SDR42E1: variants seen among roughly 807,000 people sequenced by gnomAD.
SDR42E1 encodes the protein short chain dehydrogenase/reductase family 42E, member 1, also known as short-chain dehydrogenase/reductase family 42E member 1.
In SDR42E1, 5 loss-of-function variants were observed where a neutral mutation model predicts 2.6. The observed-to-expected ratio is 1.94, with a 90% confidence interval of 1.01 to 4.08. The LOEUF is 4.08. SDR42E1 is among the 30% of genes most tolerant of loss of function. SDR42E1 has a pLI of 0.00. For missense variants in SDR42E1, 596 were observed against 478.6 expected (o/e 1.25, Z -2.29); for synonymous variants, 231 against 188.3 (o/e 1.23, Z -1.86).
chr16:81,994,787 G>C lies in SDR42E1; in HGVS notation c.*4324C>G, dbSNP rs956941198. On this transcript the variant is annotated 3_prime_UTR_variant, in exon 3 of 3. Coordinates refer to ENST00000328945, the MANE Select transcript of SDR42E1 (RefSeq NM_145168.3). ...GCTGGGCGAACCGGAGATTTGGAAA[G>C]CAATACAAGGTAGAAGCAGCCCCAA... 6.6e-6 allele frequency: 1 copy of C among 152,196 alleles called. No homozygotes were observed. Among genetic ancestry groups the C allele is most frequent in the African/African-American group, 2.4e-5 (1 of 41,444 alleles). 9.4% of individuals were successfully genotyped at this position (152,196 alleles called of 1,614,324 possible).
At chr16:82,004,228 G>A (rs757472249) in intron 1 of SDR42E1, among the ~76,000 whole-genome samples, 4 of 152,174 alleles carry the variant, frequency 2.6e-5, no homozygotes, top group Non-Finnish European at 2.9e-5. Flanking sequence ...GATTCTGACA[G>A]GGCACATCAG....
rs1912491896 is a variant in SDR42E1 at position 81,994,236 on chromosome 16, T to C, written c.*4875A>G. 1 of 152,222 alleles carries C rather than the reference T, an allele frequency of 6.6e-6. No individual in the cohort carries two copies. Among genetic ancestry groups the C allele is most frequent in the Non-Finnish European group, 1.5e-5 (1 of 68,068 alleles). 9.4% of individuals were successfully genotyped at this position (152,222 alleles called of 1,614,324 possible). A position where few individuals can be genotyped will look rare whatever the true frequency, so the allele number is the denominator to read the frequency against. The stretch of plus-strand genomic sequence containing the variant: ...GTCACCAGGACCTCCTCCCTCTCCA[T>C]TTTTTGGCTCTTCTTAACACATAGC... On this transcript the variant is annotated 3_prime_UTR_variant, in exon 3 of 3. Transcript: ENST00000328945.
chr16:82,010,528 C>G (rs1913091760), intron 1 of SDR42E1, among the ~76,000 whole-genome samples: 1 of 152,158 alleles, frequency 6.6e-6, no homozygotes, highest in South Asian at 2.1e-4. Context: ...ACCTGCCTCC[C>G]ATTCTATTCA....
At chr16:82,006,047 C>T (rs1014967004) in intron 1 of SDR42E1, among the ~76,000 whole-genome samples, 1 of 152,092 alleles carries the variant, frequency 6.6e-6, no homozygotes, top group Non-Finnish European at 1.5e-5. Flanking sequence ...TTACGCACAC[C>T]GTTCCTTCAT....
rs1912400782 is a variant in SDR42E1, at chr16:81,990,425, A to T, written c.*8686T>A. 6.6e-6 allele frequency: 1 copy of T among 152,194 alleles called. No homozygotes were observed. The highest frequency in any genetic ancestry group is 2.1e-4 in the South Asian group (1 of 4,830). The allele number at this position is 152,194 out of a possible 1,614,324, so 9.4% of individuals were successfully genotyped here. ...GTTGTTTTTTTCAAACTACAGTCTTATGTTGCTAATTAGTTACTGAACATT... is the reference window on the plus strand; with the variant it reads ...GTTGTTTTTTTCAAACTACAGTCTTTTGTTGCTAATTAGTTACTGAACATT... On this transcript the variant is annotated 3_prime_UTR_variant, in exon 3 of 3. Coordinates refer to ENST00000328945, the MANE Select transcript of SDR42E1 (RefSeq NM_145168.3).
chr16:82,008,657 C>T (rs1346966092), intron 1 of SDR42E1, among the ~76,000 whole-genome samples: 5 of 152,182 alleles, frequency 3.3e-5, no homozygotes, highest in Admixed American at 3.3e-4. Flanking sequence ...AATTTCTAAG[C>T]TGCAAAGCAT....
In SDR42E1 at chr16:81,998,482, T is replaced by A. The variant is rs1912605419; in HGVS notation, c.*629A>T. 6.6e-6 allele frequency: 1 copy of A among 152,628 alleles called. No individual in the cohort carries two copies. Among genetic ancestry groups the A allele is most frequent in the Non-Finnish European group, 1.5e-5 (1 of 68,430 alleles). 9.5% of individuals were successfully genotyped at this position (152,628 alleles called of 1,614,324 possible). On this transcript the variant is annotated 3_prime_UTR_variant, in exon 3 of 3. Transcript: ENST00000328945. ...TGTGTTGAGGAGCGCTTTGTATGCTTGAATTTAATCCTCAAAAGAATCCTA... is the reference window on the plus strand; with the variant it reads ...TGTGTTGAGGAGCGCTTTGTATGCTAGAATTTAATCCTCAAAAGAATCCTA...
At chr16:82,006,987 C>T (rs924632746) in intron 1 of SDR42E1, among the ~76,000 whole-genome samples, 5 of 152,222 alleles carry the variant, frequency 3.3e-5, no homozygotes, top group Non-Finnish European at 2.9e-5. Context: ...AAATCTTGTT[C>T]GGCTACCTAA....
At chr16:82,008,188 C>G (rs1424666814) in intron 1 of SDR42E1, among the ~76,000 whole-genome samples, 1 of 152,230 alleles carries the variant, frequency 6.6e-6, no homozygotes, top group East Asian at 1.9e-4. Flanking sequence ...GAGGCCTCCC[C>G]AGCCACGTGG....
Position 81,998,722 on chromosome 16 carries a change from C to T in SDR42E1, c.*389G>A, listed in dbSNP as rs542740140. The T allele has an allele frequency of 1.4e-4, 27 of 190,284 alleles. No homozygotes were observed. In the South Asian group the frequency reaches 2.0e-3, roughly 14 times the overall value. The allele number at this position is 190,284 out of a possible 1,614,324, so 11.8% of individuals were successfully genotyped here. A position where few individuals can be genotyped will look rare whatever the true frequency, so the allele number is the denominator to read the frequency against. ...CACGCATTCAAGCCTGATAGTGTTTCGCCATTCCCACATCAGTCAGAGGTT... is the reference window on the plus strand; with the variant it reads ...CACGCATTCAAGCCTGATAGTGTTTTGCCATTCCCACATCAGTCAGAGGTT... On this transcript the variant is annotated 3_prime_UTR_variant, in exon 3 of 3. Coordinates refer to ENST00000328945, the MANE Select transcript of SDR42E1 (RefSeq NM_145168.3).
intron 1 of SDR42E1, among the ~76,000 whole-genome samples, chr16:82,009,306 G>T (rs566354453): frequency 2.6e-5 from 4 of 152,298 alleles, no homozygotes; most frequent in Admixed American, 2.0e-4. Context: ...ACCCCAGAAT[G>T]GTAGATCCAC....
chr16:82,001,011 TC>T, intron 1 of SDR42E1, 127 bp from the exon 2 acceptor site: 1 of 601,060 alleles, frequency 1.7e-6, no homozygotes, highest in Admixed American at 3.2e-5. Flanking sequence ...CTGGGTCTGG[TC>T]ACAGCTGTGT....
In SDR42E1 at chr16:81,999,459, C is replaced by T. The variant is rs75737218; in HGVS notation, c.834G>A (p.Pro278=). 1.2e-3 allele frequency: 1,900 copies of T among 1,614,096 alleles called. 14 individuals are homozygous for T. The African/African-American group carries it at 0.016, about 13-fold the overall frequency. Residue 278 remains proline, a synonymous_variant, in exon 3 of 3, where the codon CCG becomes CCA. Transcript: ENST00000328945. The stretch of plus-strand genomic sequence containing the variant: ...CCAAGGTCAATGGCAGGCGGGTAGA[C>T]GGGAATGTGTAGCCCAGGCCCTCAA... The part of the protein sequence containing the change: ...PLVEGLGYTF[P]STRLPLTLVY...
At position 81,989,731 on chromosome 16, in the gene SDR42E1, A is replaced by G. The variant is rs1912384630; in HGVS notation, c.*9380T>C. On this transcript the variant is annotated 3_prime_UTR_variant, in exon 3 of 3. Coordinates refer to ENST00000328945, the MANE Select transcript of SDR42E1 (RefSeq NM_145168.3). ...GAATTGAGTAATTGAAAACCATGGT[A>G]TCAAGCCTGTAATCCCAGCACTTTG... The G allele has an allele frequency of 6.6e-6, 1 of 152,194 alleles. No homozygotes were observed. Among genetic ancestry groups the G allele is most frequent in the Admixed American group, 6.6e-5 (1 of 15,262 alleles). The allele number at this position is 152,194 out of a possible 1,614,324, so 9.4% of individuals were successfully genotyped here.
In SDR42E1 at chr16:81,994,291, C is replaced by G. The variant is rs527322866; in HGVS notation, c.*4820G>C. 6.6e-6 allele frequency: 1 copy of G among 152,398 alleles called. No homozygotes were observed. The highest frequency in any genetic ancestry group is 1.9e-4 in the East Asian group (1 of 5,182). The allele number at this position is 152,398 out of a possible 1,614,324, so 9.4% of individuals were successfully genotyped here. A position where few individuals can be genotyped will look rare whatever the true frequency, so the allele number is the denominator to read the frequency against. On this transcript the variant is annotated 3_prime_UTR_variant, in exon 3 of 3. Coordinates refer to ENST00000328945, the MANE Select transcript of SDR42E1 (RefSeq NM_145168.3). Reference sequence around the variant, plus strand: ...CCCAGCAGCCCAAACATCATCAGCACTCGGTCCTCTCCTTCAGGTAGGAGG... The same window carrying G: ...CCCAGCAGCCCAAACATCATCAGCAGTCGGTCCTCTCCTTCAGGTAGGAGG...
chr16:82,000,495 A>G lies in SDR42E1; in HGVS notation c.69-271T>C, dbSNP rs149187583. Reference sequence around the variant, plus strand: ...CCCTTGGTTCTAGGGCCCACTATCTATTCTTTGGAATATTTGTGAATAATA... The same window carrying G: ...CCCTTGGTTCTAGGGCCCACTATCTGTTCTTTGGAATATTTGTGAATAATA... On this transcript the variant is annotated intron_variant, in intron 2 of 2. Transcript: ENST00000328945. The G allele has an allele frequency of 6.2e-4, 373 of 605,798 alleles. 3 individuals carry two copies. Among genetic ancestry groups the G allele is most frequent in the African/African-American group, 6.1e-3 (331 of 53,928 alleles). The allele number at this position is 605,798 out of a possible 1,614,324, so 37.5% of individuals were successfully genotyped here.
rs1232034668 is a variant in SDR42E1 at position 81,997,534 on chromosome 16, G to T, written c.*1577C>A. On this transcript the variant is annotated 3_prime_UTR_variant, in exon 3 of 3. Coordinates refer to ENST00000328945, the MANE Select transcript of SDR42E1 (RefSeq NM_145168.3). Reference sequence around the variant, plus strand: ...GGATGAGGATATTCAAGCAGTTCTAGAACAATACATGGCAGGTGCTCATAT... The same window carrying T: ...GGATGAGGATATTCAAGCAGTTCTATAACAATACATGGCAGGTGCTCATAT... The T allele has an allele frequency of 1.3e-5, 2 of 152,196 alleles. No individual in the cohort carries two copies. The highest frequency in any genetic ancestry group is 2.9e-5 in the Non-Finnish European group (2 of 68,050). 9.4% of individuals were successfully genotyped at this position (152,196 alleles called of 1,614,324 possible).
chr16:81,993,033 G>C lies in SDR42E1; in HGVS notation c.*6078C>G, dbSNP rs1159849734. ...AAGAATCCCTTTGGCTCAAGAAAAAGAGGCTCTAGGTTGGCTGGAAAAGTC... is the reference window on the plus strand; with the variant it reads ...AAGAATCCCTTTGGCTCAAGAAAAACAGGCTCTAGGTTGGCTGGAAAAGTC... On this transcript the variant is annotated 3_prime_UTR_variant, in exon 3 of 3. Coordinates refer to ENST00000328945, the MANE Select transcript of SDR42E1 (RefSeq NM_145168.3). 6.6e-6 allele frequency: 1 copy of C among 152,134 alleles called. No individual in the cohort carries two copies. The highest frequency in any genetic ancestry group is 1.5e-5 in the Non-Finnish European group (1 of 68,028). The allele number at this position is 152,134 out of a possible 1,614,324, so 9.4% of individuals were successfully genotyped here.
rs754738263 is a variant in SDR42E1 at position 81,999,855 on chromosome 16, G to A, written c.438C>T (p.His146=). The A allele has an allele frequency of 1.9e-6, 3 of 1,614,176 alleles. No homozygotes were observed. Among genetic ancestry groups the A allele is most frequent in the South Asian group, 1.1e-5 (1 of 91,074 alleles). ...TCCGAGAGTAGTGATCAGGGTGGAGGTGAAGAGGCAGGTAGGGCAGAGATT... is the reference window on the plus strand; with the variant it reads ...TCCGAGAGTAGTGATCAGGGTGGAGATGAAGAGGCAGGTAGGGCAGAGATT... ...GDESLPYLPL[H]LHPDHYSRTK... Residue 146 remains histidine (H), a synonymous_variant, in exon 3 of 3, where the codon CAC becomes CAT. Transcript: ENST00000328945.
Sources: gnomAD v4.1 joint callset for allele counts (sites outside exome capture counted in the v4.1 genomes callset) on GRCh38, gnomAD v4.1.1 for gene constraint, MANE v1.5 for transcripts, NCBI Gene and HGNC (gene_info 2026-07-23, HGNC 2026-07-21) for gene names.